The following GAS7 variants were observed in gnomAD, a reference collection of about 807,000 sequenced individuals.
The protein encoded by GAS7 is growth arrest specific 7.
A neutral mutation model predicts 71.1 loss-of-function variants in GAS7; 28 were observed. The observed-to-expected ratio is 0.39, with a 90% CI of 0.29 to 0.54. GAS7 has a LOEUF of 0.54. GAS7 is among the 20% of genes least tolerant of loss of function. GAS7 has a pLI of 0.62. For missense variants in GAS7, 436 were observed against 627.8 expected (o/e 0.69, Z 3.27); for synonymous variants, 258 against 245.8 (o/e 1.05, Z -0.46).
chr17:9,958,132 A>C lies in GAS7; in HGVS notation c.525+1070T>G, dbSNP rs536042463. 5.9e-5 allele frequency among the ~76,000 whole-genome samples: 9 copies of C among 152,260 alleles called. No homozygotes were observed. In the South Asian group the frequency reaches 1.9e-3, roughly 32 times the overall value. ...CCATTTCCCCACTTGACAGTTATTG[A>C]CTGAGACGGGAAGAAGTCAAGAAAC... On this transcript the variant is annotated intron_variant, in intron 5 of 13. Transcript: ENST00000432992.
At chr17:10,185,567 G>C (rs1264077932) in intron 1 of GAS7, among the ~76,000 whole-genome samples, 2 of 152,140 alleles carry the variant, frequency 1.3e-5, no homozygotes, top group African/African-American at 4.8e-5. Flanking sequence ...GTTTCCCCAA[G>C]TTCTGTGAGC....
chr17:10,032,078 C>T (rs1222296476), intron 1 of GAS7, among the ~76,000 whole-genome samples: 6 of 149,706 alleles, frequency 4.0e-5, no homozygotes, highest in African/African-American at 1.5e-4. Context: ...ACTGCTTCCC[C>T]GCCTTGAAGC....
At chr17:9,970,173 G>C (rs953589821) in intron 3 of GAS7, among the ~76,000 whole-genome samples, 2 of 152,100 alleles carry the variant, frequency 1.3e-5, no homozygotes, top group African/African-American at 4.8e-5. Flanking sequence ...ATTTCCCTCA[G>C]CTTTCTTAGT....
At chr17:10,076,774 G>A (rs1387371228) in intron 1 of GAS7, among the ~76,000 whole-genome samples, 2 of 152,160 alleles carry the variant, frequency 1.3e-5, no homozygotes, top group Admixed American at 6.5e-5. Flanking sequence ...CTTCCTGCAT[G>A]CACCAAGCAA....
intron 1 of GAS7, among the ~76,000 whole-genome samples, chr17:10,126,808 T>C (rs2073955095): frequency 1.3e-5 from 2 of 152,218 alleles, no homozygotes; most frequent in South Asian, 4.1e-4. Context: ...CTGACTCTAG[T>C]CCCAGTGAGA....
intron 1 of GAS7, among the ~76,000 whole-genome samples, chr17:10,115,031 C>CT (rs1415368779): frequency 6.6e-6 from 1 of 152,184 alleles, no homozygotes; most frequent in African/African-American, 2.4e-5. Context: ...GTCTGTCTGT[C>CT]TGTCTGGCTG....
intron 5 of GAS7, among the ~76,000 whole-genome samples, chr17:9,950,855 CA>C (rs537877970): frequency 2.0e-3 from 281 of 138,882 alleles, no homozygotes; most frequent in Middle Eastern, 0.011. Flanking sequence ...GACTGTGTCT[CA>C]AAAAAAAAAA....
intron 2 of GAS7, among the ~76,000 whole-genome samples, chr17:9,989,511 T>C (rs2070762891): frequency 6.6e-6 from 1 of 152,124 alleles, no homozygotes; most frequent in Admixed American, 6.5e-5. Context: ...CACATGTGTA[T>C]AAAATGTGTA....
chr17:10,021,001 CCT>C (rs141231405), intron 1 of GAS7, among the ~76,000 whole-genome samples: 3,531 of 152,248 alleles, frequency 0.023, 134 homozygotes, highest in African/African-American at 0.079. Context: ...ATTATACTCT[CCT>C]TTCTACATAT....
chr17:10,184,371 C>T (rs945397424), intron 1 of GAS7, among the ~76,000 whole-genome samples: 2 of 152,208 alleles, frequency 1.3e-5, no homozygotes, highest in African/African-American at 4.8e-5. Flanking sequence ...TCTCTGTCCT[C>T]GGATTAAATA....
At chr17:9,946,126 A>G (rs2068777719) in intron 6 of GAS7, among the ~76,000 whole-genome samples, 1 of 152,164 alleles carries the variant, frequency 6.6e-6, no homozygotes, top group Non-Finnish European at 1.5e-5. Context: ...CATCCCCACT[A>G]TCTGATTCCA....
intron 1 of GAS7, among the ~76,000 whole-genome samples, chr17:10,140,602 A>G (rs1271679430): frequency 1.3e-5 from 2 of 152,030 alleles, no homozygotes; most frequent in Non-Finnish European, 2.9e-5. Context: ...CTACAACTGC[A>G]TGTGTGTTTA....
chr17:9,960,042 TATGTTGGGGGCTCAATACCAGAG>T (rs1264561795), intron 4 of GAS7, among the ~76,000 whole-genome samples: 21 of 152,118 alleles, frequency 1.4e-4, no homozygotes. Flanking sequence ...TATTAGCAAT[TATGTTGGGGGCTCAATACCAGAG>T]ATCCCCAAGC....
At chr17:9,985,735 T>G (rs2070620519) in intron 2 of GAS7, among the ~76,000 whole-genome samples, 1 of 152,212 alleles carries the variant, frequency 6.6e-6, no homozygotes, top group Non-Finnish European at 1.5e-5. Context: ...GGTGCACATC[T>G]AATGACTGGG....
chr17:10,126,482 A>G (rs2073950578), intron 1 of GAS7, among the ~76,000 whole-genome samples: 1 of 150,862 alleles, frequency 6.6e-6, no homozygotes, highest in South Asian at 2.1e-4. Flanking sequence ...ACGCACACTC[A>G]CACCCACTCA....
intron 1 of GAS7, among the ~76,000 whole-genome samples, chr17:10,050,601 C>T (rs770850309): frequency 6.6e-6 from 1 of 152,166 alleles, no homozygotes; most frequent in Non-Finnish European, 1.5e-5. Context: ...AAGATGACCT[C>T]CACACTGCTG....
chr17:10,186,209 G>A (rs1171607725), intron 1 of GAS7, among the ~76,000 whole-genome samples: 3 of 151,464 alleles, frequency 2.0e-5, no homozygotes, highest in Admixed American at 6.6e-5. Flanking sequence ...CGCCTGCCTC[G>A]GCCTCCCAAA....
chr17:10,096,483 T>G (rs1275494597), intron 1 of GAS7, among the ~76,000 whole-genome samples: 2 of 152,184 alleles, frequency 1.3e-5, no homozygotes, highest in Non-Finnish European at 2.9e-5. Flanking sequence ...GGTAAGCCAA[T>G]GAGGAATCTG....
At chr17:9,924,701 A>C (rs1408254200) in intron 11 of GAS7, 1 of 152,196 alleles carries the variant, frequency 6.6e-6, no homozygotes, top group Non-Finnish European at 1.5e-5. Flanking sequence ...GCTTTCTTCT[A>C]TAATGAAGGA....
Sources: allele counts gnomAD v4.1 joint callset (sites outside exome capture counted in the v4.1 genomes callset), GRCh38; gene constraint gnomAD v4.1.1; transcripts MANE v1.5; gene names NCBI Gene and HGNC (gene_info 2026-07-23, HGNC 2026-07-21).